Variants in ADAMTS9 observed in about 807,000 individuals in gnomAD.
ADAMTS9 encodes A disintegrin and metalloproteinase with thrombospondin motifs 9.
Under a neutral mutation model 257.1 loss-of-function variants are expected in ADAMTS9, and 107 were observed. The observed-to-expected ratio is 0.42, with a 90% CI of 0.36 to 0.49. The LOEUF (loss-of-function observed/expected upper bound fraction) is 0.49, where lower values mean the gene tolerates loss of function less well. Ranked by LOEUF, ADAMTS9 falls within the 20% of genes least tolerant of loss-of-function variation. ADAMTS9 has a pLI of 0.03. For missense variants in ADAMTS9, 2,353 were observed against 2,469.1 expected, an observed-to-expected ratio of 0.95 and a Z score of 1.00; for synonymous variants, 982 against 880.9, an observed-to-expected ratio of 1.11 and a Z score of -2.03.
Position 64,658,504 on chromosome 3 carries a change from T to G in ADAMTS9, c.967A>C (p.Ile323Leu). 6.2e-7 allele frequency: 1 copy of G among 1,609,696 alleles called. No homozygotes were observed. Among genetic ancestry groups the G allele is most frequent in the Non-Finnish European group, 8.5e-7 (1 of 1,178,118 alleles). ...LQHYILTLMSIVASIYKDPSI... is the reference protein window; with the variant it reads ...LQHYILTLMSLVASIYKDPSI... ...CACCTTCGTTTGAATGTACTTACAA[T>G]TGACATTAAAGTTAAAATATAGTGT... The change falls in exon 4 of 40, where the codon ATT becomes CTT. Residue 323 changes from isoleucine (I) to leucine (L), a missense_variant and splice_region_variant. By Grantham distance (5) the Ile-to-Leu change is conservative (BLOSUM62 2). Around this residue, in one of 3 missense-constraint regions of ADAMTS9, gnomAD observed 591 missense variants for 569.6 expected, o/e 1.04. Coordinates refer to ENST00000498707, the MANE Select transcript of ADAMTS9 (RefSeq NM_182920.2).
At chr3:64,529,287 G>C (rs1305761176) in intron 38 of ADAMTS9, among the ~76,000 whole-genome samples, 1 of 152,204 alleles carries the variant, frequency 6.6e-6, no homozygotes, top group African/African-American at 2.4e-5. Context: ...TTCTGCTCTT[G>C]GAAGTGAGAC....
chr3:64,553,989 A>G (rs1339615581), intron 30 of ADAMTS9, among the ~76,000 whole-genome samples: 2 of 151,944 alleles, frequency 1.3e-5, no homozygotes, highest in East Asian at 3.9e-4. Context: ...ATGTGTAGAT[A>G]TATGCAAATA....
chr3:64,551,059 T>A lies in ADAMTS9; in HGVS notation c.4702A>T (p.Thr1568Ser). 6.2e-7 allele frequency: 1 copy of A among 1,614,146 alleles called. No homozygotes were observed. The highest frequency in any genetic ancestry group is 2.2e-5 in the East Asian group (1 of 44,874). ...CTGGAGCCTTCGCCGCAGGTCTTGG[T>A]GCACTGTTAAATACAAGCAAAAGAG... ...TWRAEEWQEC[T>S]KTCGEGSRYR... The change falls in exon 31 of 40, where the codon ACC (threonine) becomes TCC (serine). Residue 1568 changes from threonine (T) to serine (S), a missense_variant. Coordinates refer to ENST00000498707, the MANE Select transcript of ADAMTS9 (RefSeq NM_182920.2).
At chr3:64,570,364 C>T (rs79821609) in intron 28 of ADAMTS9, among the ~76,000 whole-genome samples, 3,220 of 152,216 alleles carry the variant, frequency 0.021, 127 homozygotes, top group African/African-American at 0.074. Flanking sequence ...GAAGAGGGCT[C>T]ACTGAGGTAC....
chr3:64,549,270 C>A (rs1464819943), intron 31 of ADAMTS9, among the ~76,000 whole-genome samples: 1 of 151,894 alleles, frequency 6.6e-6, no homozygotes, highest in Admixed American at 6.5e-5. Context: ...TTTTTCTTTT[C>A]AATCTTCTCC....
At chr3:64,569,294 G>T (rs1239743656) in intron 28 of ADAMTS9, among the ~76,000 whole-genome samples, 1 of 152,196 alleles carries the variant, frequency 6.6e-6, no homozygotes, top group African/African-American at 2.4e-5. Flanking sequence ...GCTGGCCCCA[G>T]TGAGTGTGCT....
chr3:64,627,768 C>G (rs6445419), intron 16 of ADAMTS9, among the ~76,000 whole-genome samples: 79,430 of 151,856 alleles, frequency 0.52, 22,129 homozygotes, highest in African/African-American at 0.72. Context: ...CCTGGAAATT[C>G]CTCCCTCCTA....
rs1166159519 is a variant in ADAMTS9 at position 64,687,196 on chromosome 3, CA to C, written c.116-229del. On this transcript the variant is annotated intron_variant, in intron 1 of 39. Transcript: ENST00000498707. This position sits in a 1 kb window ranked among gnomAD's most constrained non-coding sequence, Gnocchi z 4.4. ...ATTCCGAGCCAGACAATTAACAAGT[CA>C]AAATATATATGATTTCAGATATTGA... Among the ~76,000 whole-genome samples, 1 of 152,078 alleles carries C rather than the reference CA, an allele frequency of 6.6e-6. No individual in the cohort carries two copies. The highest frequency in any genetic ancestry group is 1.5e-5 in the Non-Finnish European group (1 of 68,022).
rs1700693791 is a variant in ADAMTS9, at chr3:64,643,026, T to C, written c.1711-1033A>G. 1.3e-5 allele frequency among the ~76,000 whole-genome samples: 2 copies of C among 152,206 alleles called. 1 individual carries two copies. The highest frequency in any genetic ancestry group is 4.1e-4 in the South Asian group (2 of 4,830). ...GCAATTAAGCTTTCTCCAGTCTGCC[T>C]GGCCTCCTCCCTTGTAATTATCCTC... On this transcript the variant is annotated intron_variant, in intron 11 of 39. Coordinates refer to ENST00000498707, the MANE Select transcript of ADAMTS9 (RefSeq NM_182920.2).
chr3:64,596,215 A>G (rs2084361501), intron 27 of ADAMTS9, among the ~76,000 whole-genome samples: 1 of 152,184 alleles, frequency 6.6e-6, no homozygotes, highest in Admixed American at 6.5e-5. Flanking sequence ...AAGGTCACAA[A>G]ACTTTTAAGA....
At chr3:64,685,135 C>T (rs1313428870) in intron 2 of ADAMTS9, 2 of 152,244 alleles carry the variant, frequency 1.3e-5, no homozygotes, top group African/African-American at 2.4e-5. Context: ...TCGGGAGCCA[C>T]GGCTCCGGGC....
intron 27 of ADAMTS9, among the ~76,000 whole-genome samples, chr3:64,595,800 C>G (rs976278566): frequency 3.2e-4 from 23 of 71,162 alleles, no homozygotes; most frequent in Non-Finnish European, 5.1e-4. Flanking sequence ...TGTCTTTTTC[C>G]CCCCCTTGGC....
chr3:64,519,313 C>A (rs2082820913), intron 39 of ADAMTS9, among the ~76,000 whole-genome samples: 1 of 152,100 alleles, frequency 6.6e-6, no homozygotes, highest in Admixed American at 6.5e-5. Context: ...CACCAGAGAC[C>A]TAATGAAGCA....
intron 3 of ADAMTS9, among the ~76,000 whole-genome samples, chr3:64,669,989 A>G (rs889151828): frequency 6.6e-6 from 1 of 152,222 alleles, no homozygotes; most frequent in African/African-American, 2.4e-5. Context: ...CCGCTGGAAA[A>G]GCATTTAAAT....
chr3:64,605,636 C>T (rs952965780), intron 23 of ADAMTS9, among the ~76,000 whole-genome samples: 6 of 152,070 alleles, frequency 3.9e-5, no homozygotes, highest in African/African-American at 9.7e-5. Context: ...TATGCAAACC[C>T]GAGTGTTCTC....
intron 32 of ADAMTS9, among the ~76,000 whole-genome samples, chr3:64,544,644 C>A (rs963579827): frequency 8.5e-5 from 13 of 152,068 alleles, no homozygotes; most frequent in Admixed American, 4.6e-4. Flanking sequence ...AATGTTAGAC[C>A]TAAAACCATA....
chr3:64,652,650 C>A (rs1030752212), intron 8 of ADAMTS9, among the ~76,000 whole-genome samples: 1 of 152,150 alleles, frequency 6.6e-6, no homozygotes, highest in Non-Finnish European at 1.5e-5. Context: ...TTGCTCACTG[C>A]AGGAGTTAAA....
chr3:64,604,311 A>G lies in ADAMTS9; in HGVS notation c.3495T>C (p.Cys1165=), dbSNP rs1181350052. 2.9e-5 allele frequency: 46 copies of G among 1,611,874 alleles called. No homozygotes were observed. The highest frequency in any genetic ancestry group is 3.7e-5 in the Non-Finnish European group (44 of 1,179,272). The change falls in exon 24 of 40, where the codon TGT becomes TGC. Residue 1165 remains cysteine (C), a synonymous_variant. Coordinates refer to ENST00000498707, the MANE Select transcript of ADAMTS9 (RefSeq NM_182920.2). ...TDTQDCELPS[C]HPPPAAPETR... ...TTTCCGGGGCAGCTGGGGGAGGATG[A>G]CATGATGGTAATTCACAGTCCTAGA... is the stretch of plus-strand genomic sequence containing the variant.
At chr3:64,522,578 A>C in intron 38 of ADAMTS9, 1 of 209,736 alleles carries the variant, frequency 4.8e-6, no homozygotes, top group Non-Finnish European at 9.6e-6. Flanking sequence ...AGTGTCTATT[A>C]ATAAAGTTTT....
Sources: gnomAD v4.1 joint callset for allele counts (sites outside exome capture counted in the v4.1 genomes callset) on GRCh38, gnomAD v4.1.1 for gene constraint, gnomAD v4.1.1 regional missense constraint, Gnocchi (gnomAD v3.1) non-coding constraint, MANE v1.5 for transcripts, NCBI Gene and HGNC (gene_info 2026-07-23, HGNC 2026-07-21) for gene names.